The following MGMT variants were observed in gnomAD, a reference collection of about 807,000 sequenced individuals.
MGMT encodes methylated-DNA--protein-cysteine methyltransferase.
MGMT carries 14 observed loss-of-function variants against 15.9 expected under a neutral mutation model. The ratio of observed to expected loss-of-function variants is 0.88; its 90% CI spans 0.58 to 1.37. The LOEUF is 1.37. MGMT is among the 40% of genes most tolerant of loss of function. The pLI, the probability that MGMT is intolerant of heterozygous loss-of-function variation, is 0.00. For synonymous variants in MGMT, 130 were observed against 118.2 expected, an observed-to-expected ratio of 1.10 and a Z score of -0.65; for missense variants, 282 against 268.1, an observed-to-expected ratio of 1.05 and a Z score of -0.36.
chr10:129,752,547 T>C (rs1309303277), intron 3 of MGMT, among the ~76,000 whole-genome samples: 2 of 151,992 alleles, frequency 1.3e-5, no homozygotes, highest in Admixed American at 6.6e-5. Context: ...TTTTCTTCCT[T>C]CTTTTGGGCT....
intron 1 of MGMT, among the ~76,000 whole-genome samples, chr10:129,518,774 C>T (rs1360032361): frequency 1.3e-5 from 2 of 151,016 alleles, no homozygotes; most frequent in Admixed American, 1.3e-4. Flanking sequence ...ATCATTAAGA[C>T]TTCCATTCAA....
intron 2 of MGMT, among the ~76,000 whole-genome samples, chr10:129,591,715 A>G (rs1846688522): frequency 6.6e-6 from 1 of 152,188 alleles, no homozygotes; most frequent in Non-Finnish European, 1.5e-5. Flanking sequence ...GTGGATCACA[A>G]GGTCAGGAGT....
intron 2 of MGMT, among the ~76,000 whole-genome samples, chr10:129,662,186 A>G (rs1011717459): frequency 1.3e-5 from 2 of 152,294 alleles, no homozygotes; most frequent in Middle Eastern, 3.4e-3. Context: ...AAATTTAAAG[A>G]AAAAGGGGGT....
At position 129,767,309 on chromosome 10, in the gene MGMT, A is replaced by G. The variant is rs1395645783; in HGVS notation, c.*312A>G. On this transcript the variant is annotated 3_prime_UTR_variant, in exon 5 of 5. Transcript: ENST00000651593. ...GCAGTCTGGCACCCTCAGGCCACAG[A>G]CGGCTGCCATAGCCGCTGTCCAGGG... 2 of 223,260 alleles carry G rather than the reference A, an allele frequency of 9.0e-6. No individual in the cohort carries two copies. The highest frequency in any genetic ancestry group is 1.0e-4 in the South Asian group (1 of 9,932). 13.8% of individuals were successfully genotyped at this position (223,260 alleles called of 1,614,324 possible).
chr10:129,736,364 T>C (rs1848560799), intron 3 of MGMT, among the ~76,000 whole-genome samples: 2 of 151,754 alleles, frequency 1.3e-5, no homozygotes, highest in Admixed American at 1.3e-4. Flanking sequence ...GTGTGTTTTA[T>C]CAGAGACTAG....
At chr10:129,545,302 G>A (rs940641980) in intron 2 of MGMT, among the ~76,000 whole-genome samples, 1 of 152,160 alleles carries the variant, frequency 6.6e-6, no homozygotes, top group South Asian at 2.1e-4. Flanking sequence ...CATCCTGATT[G>A]GGATTTGGTC....
chr10:129,628,864 G>GA (rs373851626), intron 2 of MGMT, among the ~76,000 whole-genome samples: 4 of 152,130 alleles, frequency 2.6e-5, no homozygotes, highest in African/African-American at 7.2e-5. Flanking sequence ...TCACGAGACA[G>GA]AAAAAAGGGT....
chr10:129,661,447 A>G (rs1847597005), intron 2 of MGMT, among the ~76,000 whole-genome samples: 1 of 152,194 alleles, frequency 6.6e-6, no homozygotes, highest in African/African-American at 2.4e-5. Flanking sequence ...GAGGATTTCT[A>G]AAATGGCTTT....
rs563627301 is a variant in MGMT, at chr10:129,532,438, A to G, written c.-12-3803A>G. Among the ~76,000 whole-genome samples, 5 of 152,280 alleles carry G rather than the reference A, an allele frequency of 3.3e-5. No homozygotes were observed. Among genetic ancestry groups the G allele is most frequent in the African/African-American group, 1.2e-4 (5 of 41,566 alleles). ...GCTTCTTGTGGTCAGGGCCCAGACC[A>G]TGATAACCTTGAGGACTCCTCTCTC... On this transcript the variant is annotated intron_variant, in intron 1 of 4. Coordinates refer to ENST00000651593, the MANE Select transcript of MGMT (RefSeq NM_002412.5). The surrounding 1 kb of genome is among the most constrained non-coding windows in gnomAD (Gnocchi z 5.3).
chr10:129,687,653 A>G (rs897089724), intron 2 of MGMT, among the ~76,000 whole-genome samples: 1 of 150,988 alleles, frequency 6.6e-6, no homozygotes, highest in Non-Finnish European at 1.5e-5. Flanking sequence ...TCAGGGGACA[A>G]AATTTTTCAT....
chr10:129,690,646 G>A (rs1847959224), intron 2 of MGMT, among the ~76,000 whole-genome samples: 1 of 152,232 alleles, frequency 6.6e-6, no homozygotes, highest in South Asian at 2.1e-4. Flanking sequence ...CCAGCCGTGG[G>A]TGCCATGCAC....
At chr10:129,507,472 G>A (rs1845637685) in intron 1 of MGMT, among the ~76,000 whole-genome samples, 1 of 152,148 alleles carries the variant, frequency 6.6e-6, no homozygotes, top group Admixed American at 6.5e-5. Context: ...CTCACTGGGA[G>A]CAATGGCCCT....
rs1845948285 is a variant in MGMT, at chr10:129,532,933, C to T, written c.-12-3308C>T. ...CAGGCGCTGATGTGGGCAAACCCTTCCTCTCCCAGGCCGTCCCTTCCTGCA... is the reference window on the plus strand; with the variant it reads ...CAGGCGCTGATGTGGGCAAACCCTTTCTCTCCCAGGCCGTCCCTTCCTGCA... On this transcript the variant is annotated intron_variant, in intron 1 of 4. Coordinates refer to ENST00000651593, the MANE Select transcript of MGMT (RefSeq NM_002412.5). This position sits in a 1 kb window ranked among gnomAD's most constrained non-coding sequence, Gnocchi z 5.3. 6.6e-6 allele frequency among the ~76,000 whole-genome samples: 1 copy of T among 152,246 alleles called. No individual in the cohort carries two copies. Among genetic ancestry groups the T allele is most frequent in the African/African-American group, 2.4e-5 (1 of 41,472 alleles).
intron 2 of MGMT, among the ~76,000 whole-genome samples, chr10:129,692,240 A>C (rs1426011596): frequency 6.6e-6 from 1 of 152,142 alleles, no homozygotes; most frequent in Non-Finnish European, 1.5e-5. Context: ...AGGTGGGAGG[A>C]CCAGCAGAGA....
chr10:129,627,981 A>C (rs2133080522), intron 2 of MGMT, among the ~76,000 whole-genome samples: 1 of 152,342 alleles, frequency 6.6e-6, no homozygotes, highest in African/African-American at 2.4e-5. Context: ...GTGGCTTGAT[A>C]ATGACGCCAC....
intron 3 of MGMT, among the ~76,000 whole-genome samples, chr10:129,731,585 G>T (rs1848498709): frequency 6.6e-6 from 1 of 151,928 alleles, no homozygotes; most frequent in Admixed American, 6.6e-5. Flanking sequence ...TAGTAGAGTT[G>T]CGGTTTCACC....
At chr10:129,672,896 G>A (rs149548183) in intron 2 of MGMT, among the ~76,000 whole-genome samples, 148 of 152,302 alleles carry the variant, frequency 9.7e-4, no homozygotes, top group African/African-American at 3.4e-3. Context: ...GAAACAGTGT[G>A]TAGAAATGAC....
At position 129,769,178 on chromosome 10, in the gene MGMT, T is replaced by A. The variant is rs145819540; in HGVS notation, c.*2181T>A. On this transcript the variant is annotated 3_prime_UTR_variant, in exon 5 of 5. Transcript: ENST00000651593. ...CATGTTCTGCTTCCTCTCCGAGGGT[T>A]TCCGCGGCCCTGTCAGAACAGGCTT... 6.6e-6 allele frequency: 1 copy of A among 152,236 alleles called. No individual in the cohort carries two copies. The allele number at this position is 152,236 out of a possible 1,614,324, so 9.4% of individuals were successfully genotyped here.
intron 1 of MGMT, among the ~76,000 whole-genome samples, chr10:129,514,637 T>G (rs61862576): frequency 6.6e-6 from 1 of 152,074 alleles, no homozygotes; most frequent in East Asian, 1.9e-4. Context: ...TTGTTGGTAT[T>G]AAGAGTTGGG....
Sources: gnomAD v4.1 joint callset for allele counts (sites outside exome capture counted in the v4.1 genomes callset) on GRCh38, gnomAD v4.1.1 for gene constraint, Gnocchi (gnomAD v3.1) non-coding constraint, MANE v1.5 for transcripts, NCBI Gene and HGNC (gene_info 2026-07-23, HGNC 2026-07-21) for gene names.